The following BMP5 variants were observed in gnomAD, a reference collection of about 807,000 sequenced individuals.
The protein encoded by BMP5 is bone morphogenetic protein 5.
BMP5 carries 23 observed loss-of-function variants against 46.6 expected under a neutral mutation model. The observed-to-expected ratio is 0.49, with a 90% CI of 0.35 to 0.70. The LOEUF (loss-of-function observed/expected upper bound fraction) is 0.70, where lower values mean the gene tolerates loss of function less well. Among genes scored for constraint, BMP5 ranks in the 30% least tolerant of loss-of-function variants. The pLI is 0.00. For synonymous variants in BMP5, 204 were observed against 191.9 expected (o/e 1.06, Z -0.52); for missense variants, 545 against 565.6 (o/e 0.96, Z 0.37).
At chr6:55,774,964 A>T (rs1775138540) in intron 3 of BMP5, among the ~76,000 whole-genome samples, 2 of 151,976 alleles carry the variant, frequency 1.3e-5, no homozygotes, top group African/African-American at 4.8e-5. Context: ...GACACACCTA[A>T]ATGTTTACTG....
At chr6:55,856,564 C>A (rs1029066100) in intron 1 of BMP5, among the ~76,000 whole-genome samples, 1 of 151,930 alleles carries the variant, frequency 6.6e-6, no homozygotes, top group Non-Finnish European at 1.5e-5. Flanking sequence ...TTTTTTATTT[C>A]TTTTTCTATT....
intron 2 of BMP5, 103 bp from the exon 3 acceptor site, chr6:55,794,530 G>T: frequency 1.8e-6 from 2 of 1,134,734 alleles, no homozygotes; most frequent in Non-Finnish European, 2.6e-6. Context: ...TAAAATAACA[G>T]CAGTTAGTTA....
chr6:55,794,455 G>A (rs1775657467), intron 2 of BMP5, 28 bp from the exon 3 acceptor site: 1 of 1,610,788 alleles, frequency 6.2e-7, no homozygotes, highest in South Asian at 1.1e-5. Flanking sequence ...AACAAAAAAA[G>A]TTAAAGGTTT....
At chr6:55,829,264 T>C (rs1432288741) in intron 1 of BMP5, among the ~76,000 whole-genome samples, 2 of 151,842 alleles carry the variant, frequency 1.3e-5, no homozygotes, top group Non-Finnish European at 2.9e-5. Context: ...CCGTACACTC[T>C]TCCTTACCTC....
At chr6:55,837,197 G>T (rs1168288249) in intron 1 of BMP5, among the ~76,000 whole-genome samples, 4 of 151,908 alleles carry the variant, frequency 2.6e-5, no homozygotes, top group African/African-American at 4.8e-5. Flanking sequence ...AACTATGGGT[G>T]TGGGCGACCA....
At chr6:55,799,648 T>TA (rs1056682276) in intron 2 of BMP5, among the ~76,000 whole-genome samples, 6 of 152,204 alleles carry the variant, frequency 3.9e-5, no homozygotes, top group Non-Finnish European at 7.4e-5. Context: ...AGCAGGTACT[T>TA]ACGCAAATTC....
At chr6:55,828,099 G>A (rs1214175072) in intron 1 of BMP5, among the ~76,000 whole-genome samples, 3 of 151,756 alleles carry the variant, frequency 2.0e-5, no homozygotes, top group Non-Finnish European at 4.4e-5. Context: ...CCACCTTTAG[G>A]TGATAGAGGT....
At chr6:55,840,898 C>T (rs1280894463) in intron 1 of BMP5, among the ~76,000 whole-genome samples, 2 of 152,156 alleles carry the variant, frequency 1.3e-5, no homozygotes, top group East Asian at 3.8e-4. Flanking sequence ...AAAGGGGTCT[C>T]CAACCCCCAG....
chr6:55,754,061 C>T lies in BMP5; in HGVS notation c.*1472G>A, dbSNP rs1241962656. On this transcript the variant is annotated 3_prime_UTR_variant, in exon 7 of 7. Transcript: ENST00000370830. ...CATTTTAATATACCCGAATTACAAA[C>T]AAAGCCATAACATTTTTGAAGACAT... 2.6e-5 allele frequency: 4 copies of T among 151,786 alleles called. No individual in the cohort carries two copies. Among genetic ancestry groups the T allele is most frequent in the Admixed American group, 2.6e-4 (4 of 15,204 alleles). 9.4% of individuals were successfully genotyped at this position (151,786 alleles called of 1,614,324 possible).
At chr6:55,814,661 T>C (rs1776212304) in intron 2 of BMP5, among the ~76,000 whole-genome samples, 1 of 152,198 alleles carries the variant, frequency 6.6e-6, no homozygotes, top group Non-Finnish European at 1.5e-5. Flanking sequence ...ACATCTTTCT[T>C]TGGAAGAAAA....
chr6:55,766,337 T>C (rs866416064), intron 4 of BMP5, among the ~76,000 whole-genome samples: 3 of 152,256 alleles, frequency 2.0e-5, no homozygotes, highest in African/African-American at 4.8e-5. Flanking sequence ...CTCCATCTTA[T>C]ATTTTTTCTT....
chr6:55,791,207 T>C (rs187102612), intron 3 of BMP5, among the ~76,000 whole-genome samples: 1 of 152,312 alleles, frequency 6.6e-6, no homozygotes, highest in African/African-American at 2.4e-5. Flanking sequence ...CTGAAGCATC[T>C]GGTTATTCAT....
At chr6:55,816,859 C>T (rs1417658264) in intron 2 of BMP5, among the ~76,000 whole-genome samples, 2 of 149,924 alleles carry the variant, frequency 1.3e-5, no homozygotes, top group African/African-American at 2.4e-5. Context: ...CTTTGTAAGA[C>T]TTTAATATCC....
chr6:55,854,380 T>C (rs1042969166), intron 1 of BMP5, among the ~76,000 whole-genome samples: 1 of 152,092 alleles, frequency 6.6e-6, no homozygotes, highest in Non-Finnish European at 1.5e-5. Context: ...TATTGATCAA[T>C]ATTTTTTCAT....
chr6:55,759,214 T>C (rs1347885307), intron 5 of BMP5, 99 bp from the exon 6 acceptor site: 4 of 708,110 alleles, frequency 5.6e-6, no homozygotes, highest in East Asian at 2.9e-5. Flanking sequence ...AAAGTAAAAA[T>C]TTTTAAAAAA....
intron 4 of BMP5, among the ~76,000 whole-genome samples, chr6:55,771,250 C>T (rs1422329897): frequency 1.3e-5 from 2 of 151,828 alleles, no homozygotes; most frequent in Non-Finnish European, 2.9e-5. Context: ...AAATCTTATC[C>T]ACCTAGTGCC....
At chr6:55,834,596 TA>T (rs1163373189) in intron 1 of BMP5, among the ~76,000 whole-genome samples, 1 of 152,176 alleles carries the variant, frequency 6.6e-6, no homozygotes, top group Non-Finnish European at 1.5e-5. Context: ...ACTATCATTT[TA>T]TTAAACTTTT....
rs1198782595 is a variant in BMP5 at position 55,759,036 on chromosome 6, T to C, written c.1184A>G (p.Asn395Ser). 1 of 1,610,146 alleles carries C rather than the reference T, an allele frequency of 6.2e-7. No homozygotes were observed. The highest frequency in any genetic ancestry group is 8.5e-7 in the Non-Finnish European group (1 of 1,178,308). Reference sequence around the variant, plus strand: ...CTGAACTATAGCGTGGTTGGTGGCATTCATATGGGCGTTAAGTGGAAAAGA... The same window carrying C: ...CTGAACTATAGCGTGGTTGGTGGCACTCATATGGGCGTTAAGTGGAAAAGA... Reference protein sequence around the residue: ...ECSFPLNAHMNATNHAIVQTL... With the variant: ...ECSFPLNAHMSATNHAIVQTL... The change falls in exon 6 of 7, where the codon AAT becomes AGT. Residue 395 changes from asparagine to serine, a missense_variant. Asn to Ser is a conservative substitution (Grantham distance 46). Coordinates refer to ENST00000370830, the MANE Select transcript of BMP5 (RefSeq NM_021073.4).
At chr6:55,809,952 A>G (rs559713362) in intron 2 of BMP5, among the ~76,000 whole-genome samples, 1 of 152,248 alleles carries the variant, frequency 6.6e-6, no homozygotes, top group African/African-American at 2.4e-5. Context: ...TGAATAGCTT[A>G]TCAAGTCCAA....
Sources: gnomAD v4.1 joint callset for allele counts (sites outside exome capture counted in the v4.1 genomes callset) on GRCh38, gnomAD v4.1.1 for gene constraint, MANE v1.5 for transcripts, NCBI Gene and HGNC (gene_info 2026-07-23, HGNC 2026-07-21) for gene names.